Variants in PHF20 observed in about 807,000 individuals in gnomAD.
The protein encoded by PHF20 is PHD finger protein 20.
Under a neutral mutation model 113.5 loss-of-function variants are expected in PHF20, and 23 were observed. The observed-to-expected ratio is 0.20, with a 90% confidence interval of 0.15 to 0.29. The LOEUF is 0.29. PHF20 is among the 10% of genes least tolerant of loss of function. The probability of loss-of-function intolerance (pLI) is 1.00; values close to 1 mark genes in which losing one functional copy is unlikely to be tolerated. For synonymous variants in PHF20, 434 were observed against 457.3 expected, an observed-to-expected ratio of 0.95 and a Z score of 0.65; for missense variants, 943 against 1,219.6, an observed-to-expected ratio of 0.77 and a Z score of 3.38.
At chr20:35,935,872 C>T (rs1322623827) in intron 15 of PHF20, among the ~76,000 whole-genome samples, 1 of 152,194 alleles carries the variant, frequency 6.6e-6, no homozygotes, top group Non-Finnish European at 1.5e-5. Context: ...TTGTCATGGG[C>T]TCTGGGTCTT....
intron 4 of PHF20, chr20:35,849,393 CAA>C: frequency 2.1e-6 from 1 of 469,054 alleles, no homozygotes; most frequent in South Asian, 1.6e-5. Flanking sequence ...TGAAGTAAAA[CAA>C]AAGAAGACCT....
intron 2 of PHF20, among the ~76,000 whole-genome samples, chr20:35,818,144 G>A (rs1002996348): frequency 1.3e-5 from 2 of 151,854 alleles, no homozygotes; most frequent in East Asian, 1.9e-4. Context: ...AAAATTAGGC[G>A]CATGCCTGTA....
chr20:35,855,826 A>C (rs994656164), intron 4 of PHF20, among the ~76,000 whole-genome samples: 1 of 151,996 alleles, frequency 6.6e-6, no homozygotes, highest in Non-Finnish European at 1.5e-5. Flanking sequence ...GGTGCCCACC[A>C]CCATACCTGG....
At chr20:35,779,970 A>T (rs1380871785) in intron 1 of PHF20, among the ~76,000 whole-genome samples, 2 of 152,066 alleles carry the variant, frequency 1.3e-5, no homozygotes, top group Non-Finnish European at 2.9e-5. Context: ...CTTACATCTG[A>T]CCTATTATCC....
chr20:35,890,830 C>T lies in PHF20; in HGVS notation c.1283-8540C>T, dbSNP rs558827400. Among the ~76,000 whole-genome samples, 146 of 152,102 alleles carry T rather than the reference C, an allele frequency of 9.6e-4. 6 individuals are homozygous for T. In the South Asian group the frequency reaches 0.029, roughly 31 times the overall value. ...CCCGGAGGTGGAGGTTGCAGTGACC[C>T]GAGATCGTTCCACTGCATTTCAGCC... On this transcript the variant is annotated intron_variant, in intron 9 of 17. Coordinates refer to ENST00000374012, the MANE Select transcript of PHF20 (RefSeq NM_016436.5).
intron 9 of PHF20, among the ~76,000 whole-genome samples, chr20:35,881,072 T>TTTTTTTTG (rs2054623929): frequency 6.9e-6 from 1 of 144,372 alleles, no homozygotes; most frequent in East Asian, 2.0e-4. Context: ...TTTTTTTTTC[T>TTTTTTTTG]GAGACGGAGT....
chr20:35,787,177 A>G (rs190413671), intron 1 of PHF20, among the ~76,000 whole-genome samples: 1 of 150,264 alleles, frequency 6.7e-6, no homozygotes, highest in Admixed American at 6.7e-5. Context: ...TTATTTATTT[A>G]TTTATTTATT....
At position 35,801,476 on chromosome 20, in the gene PHF20, A is replaced by C; in HGVS notation, c.-32-15A>C. The stretch of plus-strand genomic sequence containing the variant: ...CTTTGCCTAAGTTTCATAAATATTT[A>C]ATTGGCTTTTTCAGGAGAATAAAGG... On this transcript the variant is annotated splice_polypyrimidine_tract_variant and intron_variant, in intron 1 of 17. Coordinates refer to ENST00000374012, the MANE Select transcript of PHF20 (RefSeq NM_016436.5). 7.4e-7 allele frequency: 1 copy of C among 1,356,414 alleles called. No homozygotes were observed. Among genetic ancestry groups the C allele is most frequent in the Non-Finnish European group, 1.1e-6 (1 of 951,910 alleles). The allele number at this position is 1,356,414 out of a possible 1,614,324, so 84.0% of individuals were successfully genotyped here. A position where few individuals can be genotyped will look rare whatever the true frequency, so the allele number is the denominator to read the frequency against.
intron 4 of PHF20, among the ~76,000 whole-genome samples, chr20:35,849,875 T>A (rs2146948880): frequency 6.6e-6 from 1 of 152,330 alleles, no homozygotes; most frequent in East Asian, 1.9e-4. Context: ...TGGTCTGATT[T>A]TCTTGCCACT....
At chr20:35,816,895 G>T (rs1387009895) in intron 2 of PHF20, among the ~76,000 whole-genome samples, 1 of 151,500 alleles carries the variant, frequency 6.6e-6, no homozygotes, top group African/African-American at 2.4e-5. Context: ...GGGTTCTAGC[G>T]ATTCTCTTGC....
chr20:35,772,200 G>C (rs1020577303), intron 1 of PHF20, 121 bp downstream of exon 1: 1 of 151,250 alleles, frequency 6.6e-6, no homozygotes, highest in African/African-American at 2.4e-5. Context: ...CCCCTGCCCG[G>C]CCCCGCTCCC....
At chr20:35,865,239 T>G (rs1449238342) in intron 6 of PHF20, among the ~76,000 whole-genome samples, 1 of 151,924 alleles carries the variant, frequency 6.6e-6, no homozygotes, top group Non-Finnish European at 1.5e-5. Context: ...GCCTCATCCC[T>G]GTAATCATGC....
chr20:35,791,344 A>G (rs1020317889), intron 1 of PHF20, among the ~76,000 whole-genome samples: 1 of 151,810 alleles, frequency 6.6e-6, no homozygotes, highest in Non-Finnish European at 1.5e-5. Context: ...CAGTTTTCAC[A>G]TCCATAAAAT....
intron 17 of PHF20, 87 bp downstream of exon 17, chr20:35,941,134 T>TTCTGAACCCAG (rs2055971398): frequency 8.6e-6 from 9 of 1,049,032 alleles, no homozygotes; most frequent in African/African-American, 1.6e-5. Context: ...CAGTCTGAGT[T>TTCTGAACCCAG]TACAGGGACC....
intron 16 of PHF20, among the ~76,000 whole-genome samples, chr20:35,939,421 T>G (rs1406544919): frequency 6.6e-6 from 1 of 152,178 alleles, no homozygotes; most frequent in East Asian, 1.9e-4. Flanking sequence ...TCATCTTTTC[T>G]TTAAGGCAGT....
intron 2 of PHF20, among the ~76,000 whole-genome samples, chr20:35,841,099 C>G (rs1381699463): frequency 2.0e-5 from 3 of 151,762 alleles, no homozygotes; most frequent in Non-Finnish European, 4.4e-5. Context: ...GGAGGCTGAG[C>G]CAGGATCTGC....
chr20:35,781,966 A>G (rs1555914608), intron 1 of PHF20, among the ~76,000 whole-genome samples: 1 of 150,982 alleles, frequency 6.6e-6, no homozygotes, highest in Non-Finnish European at 1.5e-5. Flanking sequence ...AAAAAATTAT[A>G]ACTCTGTACC....
At chr20:35,933,738 G>T (rs2055810196) in intron 15 of PHF20, among the ~76,000 whole-genome samples, 1 of 152,044 alleles carries the variant, frequency 6.6e-6, no homozygotes, top group Non-Finnish European at 1.5e-5. Context: ...TCACCATGTT[G>T]GCCAGGCTGG....
chr20:35,824,529 C>T (rs1197289068), intron 2 of PHF20, among the ~76,000 whole-genome samples: 1 of 151,958 alleles, frequency 6.6e-6, no homozygotes, highest in African/African-American at 2.4e-5. Flanking sequence ...ATCGCTTGAA[C>T]CCGGGAGGCA....
Sources: allele counts gnomAD v4.1 joint callset (sites outside exome capture counted in the v4.1 genomes callset), GRCh38; gene constraint gnomAD v4.1.1; transcripts MANE v1.5; gene names NCBI Gene and HGNC (gene_info 2026-07-23, HGNC 2026-07-21).